FOXO1: variants seen among roughly 807,000 people sequenced by gnomAD.
The protein encoded by FOXO1 is forkhead box protein O1.
A neutral mutation model predicts 44.1 loss-of-function variants in FOXO1; 6 were observed. That is an observed-to-expected ratio of 0.14 (90% confidence interval 0.07 to 0.27). FOXO1 has a LOEUF of 0.27. Ranked by LOEUF, FOXO1 falls within the 10% of genes least tolerant of loss-of-function variation. The pLI, the probability that FOXO1 is intolerant of heterozygous loss-of-function variation, is 1.00. For synonymous variants in FOXO1, 380 were observed against 362.7 expected, an observed-to-expected ratio of 1.05 and a Z score of -0.54; for missense variants, 737 against 888.8, an observed-to-expected ratio of 0.83 and a Z score of 2.17.
At chr13:40,641,934 C>G (rs2137923885) in intron 1 of FOXO1, among the ~76,000 whole-genome samples, 1 of 152,224 alleles carries the variant, frequency 6.6e-6, no homozygotes, top group East Asian at 1.9e-4. Flanking sequence ...TGCAGTGAAC[C>G]AAGATCACAC....
At chr13:40,609,216 A>G (rs1566074485) in intron 1 of FOXO1, among the ~76,000 whole-genome samples, 1 of 152,196 alleles carries the variant, frequency 6.6e-6, no homozygotes, top group African/African-American at 2.4e-5. Flanking sequence ...ATGACAAAAC[A>G]TATTATGCAA....
intron 1 of FOXO1, among the ~76,000 whole-genome samples, chr13:40,606,901 T>C (rs922293335): frequency 1.3e-5 from 2 of 152,218 alleles, no homozygotes; most frequent in African/African-American, 4.8e-5. Flanking sequence ...ACTTCCTTTT[T>C]CTATCAGGTA....
At chr13:40,627,054 A>G (rs1876808840) in intron 1 of FOXO1, among the ~76,000 whole-genome samples, 1 of 152,166 alleles carries the variant, frequency 6.6e-6, no homozygotes, top group South Asian at 2.1e-4. Context: ...CTCTTTATTT[A>G]ATTTTCCAGA....
At chr13:40,612,669 T>C (rs557139828) in intron 1 of FOXO1, among the ~76,000 whole-genome samples, 1 of 152,308 alleles carries the variant, frequency 6.6e-6, no homozygotes, top group African/African-American at 2.4e-5. Flanking sequence ...CCTTTTTGAG[T>C]TACCTGCAGT....
intron 1 of FOXO1, among the ~76,000 whole-genome samples, chr13:40,637,362 TGAACCCGGGAGGCG>T (rs1877194034): frequency 6.8e-6 from 1 of 146,756 alleles, no homozygotes; most frequent in Non-Finnish European, 1.5e-5. Context: ...GAGAATAGCT[TGAACCCGGGAGGCG>T]GAGGTTGCAG....
intron 1 of FOXO1, among the ~76,000 whole-genome samples, chr13:40,635,432 A>C (rs555511422): frequency 9.2e-5 from 14 of 152,208 alleles, no homozygotes; most frequent in Non-Finnish European, 1.8e-4. Flanking sequence ...TAAGGACTTA[A>C]TTTCCAGTTT....
At chr13:40,604,183 G>GAA (rs879745148) in intron 1 of FOXO1, among the ~76,000 whole-genome samples, 1 of 136,616 alleles carries the variant, frequency 7.3e-6, no homozygotes, top group East Asian at 2.1e-4. Context: ...TTCCACTAAG[G>GAA]AAAAAAAAAA....
At chr13:40,646,283 T>C (rs1877506458) in intron 1 of FOXO1, among the ~76,000 whole-genome samples, 1 of 147,284 alleles carries the variant, frequency 6.8e-6, no homozygotes, top group South Asian at 2.2e-4. Context: ...AAAAGTTGAC[T>C]TCTGTGACCT....
chr13:40,652,440 G>A (rs1877716704), intron 1 of FOXO1, among the ~76,000 whole-genome samples: 1 of 152,124 alleles, frequency 6.6e-6, no homozygotes, highest in Non-Finnish European at 1.5e-5. Context: ...GTTTCGCCAT[G>A]TGGCCCAGGC....
chr13:40,579,352 C>T (rs1274260745), intron 1 of FOXO1, among the ~76,000 whole-genome samples: 1 of 152,190 alleles, frequency 6.6e-6, no homozygotes, highest in Non-Finnish European at 1.5e-5. Flanking sequence ...AGACAATCCA[C>T]GCCAGGTCGG....
chr13:40,648,124 C>T, intron 1 of FOXO1, among the ~76,000 whole-genome samples: 1 of 152,182 alleles, frequency 6.6e-6, no homozygotes, highest in Middle Eastern at 3.4e-3. Flanking sequence ...TAATTATTGG[C>T]TCAGTCAAAG....
At chr13:40,638,189 A>C (rs1389067582) in intron 1 of FOXO1, among the ~76,000 whole-genome samples, 1 of 152,204 alleles carries the variant, frequency 6.6e-6, no homozygotes, top group Non-Finnish European at 1.5e-5. Context: ...GTTTAGGGTC[A>C]GTTTAGTACA....
chr13:40,560,075 G>T lies in FOXO1; in HGVS notation c.1416C>A (p.Pro472=), dbSNP rs1421736553. ...LKELLTSDSP[P]HNDIMTPVDP... is the part of the protein sequence containing the mutation. ...CAACTGGTGTCATAATGTCATTATG[G>T]GGAGGAGAGTCAGAAGTCAGCAACT... The change falls in exon 2 of 3, where the codon CCC becomes CCA. Residue 472 remains proline, a synonymous_variant. Coordinates refer to ENST00000379561, the MANE Select transcript of FOXO1 (RefSeq NM_002015.4). The surrounding 1 kb of genome is among the most constrained non-coding windows in gnomAD (Gnocchi z 5.1). 1.2e-6 allele frequency: 2 copies of T among 1,614,096 alleles called. No homozygotes were observed. The highest frequency in any genetic ancestry group is 1.7e-6 in the Non-Finnish European group (2 of 1,179,982).
At chr13:40,609,197 T>C (rs1391288315) in intron 1 of FOXO1, among the ~76,000 whole-genome samples, 1 of 152,190 alleles carries the variant, frequency 6.6e-6, no homozygotes, top group Non-Finnish European at 1.5e-5. Context: ...GAAATAAAAT[T>C]ACGTTTGGAT....
chr13:40,621,270 G>A, intron 1 of FOXO1: 1 of 802,884 alleles, frequency 1.2e-6, no homozygotes, highest in South Asian at 1.6e-5. Context: ...TCATTGTACT[G>A]ACCGATGGCT....
intron 1 of FOXO1, among the ~76,000 whole-genome samples, chr13:40,664,247 T>TG (rs1281040535): frequency 6.6e-6 from 1 of 152,034 alleles, no homozygotes; most frequent in Non-Finnish European, 1.5e-5. Flanking sequence ...TACTCCAGCC[T>TG]GGCGACAGAG....
chr13:40,562,144 C>T (rs1260187965), intron 1 of FOXO1, among the ~76,000 whole-genome samples: 1 of 151,988 alleles, frequency 6.6e-6, no homozygotes, highest in Non-Finnish European at 1.5e-5. Context: ...TCAAGTAGTG[C>T]CCCTACCCTC....
chr13:40,566,087 G>A (rs1387277677), intron 1 of FOXO1, among the ~76,000 whole-genome samples: 1 of 152,210 alleles, frequency 6.6e-6, no homozygotes, highest in Non-Finnish European at 1.5e-5. Context: ...CACATGTGCA[G>A]GCATCACACA....
intron 1 of FOXO1, among the ~76,000 whole-genome samples, chr13:40,566,290 C>T (rs546226240): frequency 1.4e-4 from 21 of 152,284 alleles, no homozygotes; most frequent in African/African-American, 4.8e-4. Flanking sequence ...GACACATGCC[C>T]TCCCCAGGAT....
Sources: allele counts gnomAD v4.1 joint callset (sites outside exome capture counted in the v4.1 genomes callset), GRCh38; gene constraint gnomAD v4.1.1; non-coding constraint Gnocchi (gnomAD v3.1); transcripts MANE v1.5; gene names NCBI Gene and HGNC (gene_info 2026-07-23, HGNC 2026-07-21).